The following CHRM2 variants were observed in gnomAD, a reference collection of about 807,000 sequenced individuals.
CHRM2 encodes cholinergic receptor muscarinic 2.
In CHRM2, 8 loss-of-function variants were observed where a neutral mutation model predicts 25.0. That is an observed-to-expected ratio of 0.32 (90% CI 0.19 to 0.58). The LOEUF is 0.58. Ranked by LOEUF, CHRM2 falls within the 20% of genes least tolerant of loss-of-function variation. The pLI, the probability that CHRM2 is intolerant of heterozygous loss-of-function variation, is 0.88. For missense variants in CHRM2, 440 were observed against 567.1 expected, an observed-to-expected ratio of 0.78 and a Z score of 2.28; for synonymous variants, 202 against 205.7, an observed-to-expected ratio of 0.98 and a Z score of 0.15.
At chr7:136,961,867 G>A (rs956194598) in intron 2 of CHRM2, among the ~76,000 whole-genome samples, 2 of 152,114 alleles carry the variant, frequency 1.3e-5, no homozygotes, top group African/African-American at 4.8e-5. Context: ...AAGTAGAGGA[G>A]AAGGAGACGT....
chr7:137,015,510 C>A lies in CHRM2; in HGVS notation c.645C>A (p.Ser215Arg). Residue 215 changes from serine (S) to arginine (R), a missense_variant, in exon 4 of 4, where the codon AGC (serine) becomes AGA (arginine). Coordinates refer to ENST00000680005, the MANE Select transcript of CHRM2 (RefSeq NM_001006630.2). The surrounding 1 kb of genome is among the most constrained non-coding windows in gnomAD (Gnocchi z 5.1). Reference sequence around the variant, plus strand: ...GGCACATATCCCGAGCCAGCAAGAGCAGGATAAAGAAGGACAAGAAGGAGC... The same window carrying A: ...GGCACATATCCCGAGCCAGCAAGAGAAGGATAAAGAAGGACAAGAAGGAGC... ...LYWHISRASK[S>R]RIKKDKKEPV... 1 of 1,613,072 alleles carries A rather than the reference C, an allele frequency of 6.2e-7. No homozygotes were observed. Among genetic ancestry groups the A allele is most frequent in the Non-Finnish European group, 8.5e-7 (1 of 1,179,570 alleles).
chr7:136,947,745 G>A (rs1800152416), intron 2 of CHRM2, among the ~76,000 whole-genome samples: 1 of 152,168 alleles, frequency 6.6e-6, no homozygotes, highest in South Asian at 2.1e-4. Context: ...GAAGGCTAGT[G>A]TTGATGGGAC....
intron 2 of CHRM2, among the ~76,000 whole-genome samples, chr7:136,894,662 A>T (rs1796823287): frequency 2.6e-5 from 4 of 152,148 alleles, no homozygotes; most frequent in Admixed American, 2.6e-4. Flanking sequence ...GTGAGCCACC[A>T]TGCCCAGCCT....
chr7:136,940,937 A>G (rs1438496826), intron 2 of CHRM2, among the ~76,000 whole-genome samples: 1 of 152,152 alleles, frequency 6.6e-6, no homozygotes, highest in African/African-American at 2.4e-5. Flanking sequence ...GTGACCAAGT[A>G]AAAGCATACT....
At chr7:136,880,340 T>C (rs1174689211) in intron 2 of CHRM2, among the ~76,000 whole-genome samples, 1 of 151,974 alleles carries the variant, frequency 6.6e-6, no homozygotes, top group Non-Finnish European at 1.5e-5. Flanking sequence ...GGAATCCAGA[T>C]CATTGAAATC....
At chr7:136,953,844 G>A (rs1257924534) in intron 2 of CHRM2, among the ~76,000 whole-genome samples, 1 of 152,130 alleles carries the variant, frequency 6.6e-6, no homozygotes, top group Admixed American at 6.6e-5. Flanking sequence ...TGTCCTCAGA[G>A]AAGGTCCAGC....
At position 136,940,514 on chromosome 7, in the gene CHRM2, G is replaced by A. The variant is rs902434200; in HGVS notation, c.-124-51673G>A. 2.0e-5 allele frequency among the ~76,000 whole-genome samples: 3 copies of A among 152,168 alleles called. No individual in the cohort carries two copies. The East Asian group carries it at 5.8e-4, about 29-fold the overall frequency. On this transcript the variant is annotated intron_variant, in intron 2 of 3. Coordinates refer to ENST00000680005, the MANE Select transcript of CHRM2 (RefSeq NM_001006630.2). ...GTAGTACATAACTTACTGAGTTATTGAGATTTAAGAGCATAGCCAAATGCT... is the reference window on the plus strand; with the variant it reads ...GTAGTACATAACTTACTGAGTTATTAAGATTTAAGAGCATAGCCAAATGCT...
chr7:136,883,745 G>A (rs1320409864), intron 2 of CHRM2, among the ~76,000 whole-genome samples: 1 of 151,872 alleles, frequency 6.6e-6, no homozygotes, highest in Non-Finnish European at 1.5e-5. Flanking sequence ...TTTACAAAGG[G>A]ATCTTACAAT....
chr7:136,999,456 A>G (rs1803835221), intron 3 of CHRM2, among the ~76,000 whole-genome samples: 1 of 151,918 alleles, frequency 6.6e-6, no homozygotes. Flanking sequence ...CAGGTTTGTT[A>G]CATATATATA....
At chr7:136,933,931 G>C (rs1055936199) in intron 2 of CHRM2, among the ~76,000 whole-genome samples, 1 of 152,060 alleles carries the variant, frequency 6.6e-6, no homozygotes, top group Non-Finnish European at 1.5e-5. Flanking sequence ...GCAAGTAACG[G>C]CTAATGAGTA....
At chr7:136,904,394 A>G (rs1049377532) in intron 2 of CHRM2, among the ~76,000 whole-genome samples, 1 of 151,906 alleles carries the variant, frequency 6.6e-6, no homozygotes, top group Admixed American at 6.6e-5. Flanking sequence ...ATAGATGGCT[A>G]CCATTATCTA....
chr7:136,986,810 C>T (rs1365829610), intron 2 of CHRM2, among the ~76,000 whole-genome samples: 4 of 152,040 alleles, frequency 2.6e-5, no homozygotes, highest in East Asian at 1.9e-4. Context: ...CTATAGGGAC[C>T]GTTTTTGTTC....
At chr7:136,974,741 T>C (rs1280638116) in intron 2 of CHRM2, among the ~76,000 whole-genome samples, 1 of 152,182 alleles carries the variant, frequency 6.6e-6, no homozygotes, top group Non-Finnish European at 1.5e-5. Context: ...ATTGGGATTT[T>C]ATTCTCTGTT....
chr7:136,931,597 A>T lies in CHRM2; in HGVS notation c.-124-60590A>T, dbSNP rs76708056. Reference sequence around the variant, plus strand: ...AGTTACCAGCACCTCCCCCATCATGAAATCCAAAGATCCTTTCAAAATTGT... The same window carrying T: ...AGTTACCAGCACCTCCCCCATCATGTAATCCAAAGATCCTTTCAAAATTGT... On this transcript the variant is annotated intron_variant, in intron 2 of 3. Transcript: ENST00000680005. 7.7e-4 allele frequency among the ~76,000 whole-genome samples: 118 copies of T among 152,300 alleles called. 3 individuals are homozygous for T. In the East Asian group the frequency reaches 0.019, roughly 24 times the overall value.
At chr7:136,913,867 C>T (rs1031946296) in intron 2 of CHRM2, among the ~76,000 whole-genome samples, 1 of 151,984 alleles carries the variant, frequency 6.6e-6, no homozygotes, top group African/African-American at 2.4e-5. Context: ...ACTACCCCCA[C>T]TTCTGGCTTA....
At chr7:136,944,878 A>G (rs558153766) in intron 2 of CHRM2, among the ~76,000 whole-genome samples, 19 of 152,128 alleles carry the variant, frequency 1.2e-4, no homozygotes, top group African/African-American at 4.3e-4. Context: ...CAGCAGTGTA[A>G]AAGTTTTCTT....
intron 3 of CHRM2, among the ~76,000 whole-genome samples, chr7:136,996,926 G>T (rs539298979): frequency 6.6e-6 from 1 of 152,220 alleles, no homozygotes; most frequent in African/African-American, 2.4e-5. Flanking sequence ...AAAATTTGAA[G>T]AGTTAAGTAT....
chr7:136,996,586 A>G (rs1051699191), intron 3 of CHRM2, among the ~76,000 whole-genome samples: 3 of 152,170 alleles, frequency 2.0e-5, no homozygotes, highest in African/African-American at 7.2e-5. Flanking sequence ...TAAGAAAGCA[A>G]TCATAGATCT....
At chr7:136,929,556 C>T (rs569779940) in intron 2 of CHRM2, among the ~76,000 whole-genome samples, 6 of 152,094 alleles carry the variant, frequency 3.9e-5, no homozygotes, top group Non-Finnish European at 5.9e-5. Flanking sequence ...TTATTTTCTC[C>T]CTCCTTCTTG....
Sources: gnomAD v4.1 joint callset for allele counts (sites outside exome capture counted in the v4.1 genomes callset) on GRCh38, gnomAD v4.1.1 for gene constraint, Gnocchi (gnomAD v3.1) non-coding constraint, MANE v1.5 for transcripts, NCBI Gene and HGNC (gene_info 2026-07-23, HGNC 2026-07-21) for gene names.